The following SCHIP1 variants were observed in gnomAD, a reference collection of about 807,000 sequenced individuals.
SCHIP1 encodes the protein schwannomin interacting protein 1, also known as schwannomin-interacting protein 1.
Under a neutral mutation model 29.7 loss-of-function variants are expected in SCHIP1, and 8 were observed. That is an observed-to-expected ratio of 0.27 (90% CI 0.16 to 0.49). SCHIP1 has a LOEUF of 0.49. SCHIP1 is among the 20% of genes least tolerant of loss of function. The pLI, the probability that SCHIP1 is intolerant of heterozygous loss-of-function variation, is 0.99. For missense variants in SCHIP1, 193 were observed against 294.6 expected (o/e 0.66, Z 2.52); for synonymous variants, 76 against 94.9 (o/e 0.80, Z 1.16).
chr3:159,367,572 A>G, the SCHIP1 span, among the ~76,000 whole-genome samples: 1 of 152,232 alleles, frequency 6.6e-6, no homozygotes, highest in Non-Finnish European at 1.5e-5. Context: ...ACTGCCAAAC[A>G]AATAATAGAT....
the SCHIP1 span, among the ~76,000 whole-genome samples, chr3:159,562,381 G>A: frequency 2.0e-5 from 3 of 152,190 alleles, no homozygotes; most frequent in South Asian, 2.1e-4. Context: ...CACCTCCACT[G>A]TGGGTTAATG....
the SCHIP1 span, chr3:159,386,704 A>AT: frequency 3.9e-5 from 6 of 152,364 alleles, no homozygotes; most frequent in African/African-American, 7.2e-5. Flanking sequence ...TATATAGAGC[A>AT]TTTTTTAAAA....
chr3:159,681,455 A>G, the SCHIP1 span, among the ~76,000 whole-genome samples: 2 of 152,212 alleles, frequency 1.3e-5, no homozygotes, highest in Admixed American at 6.5e-5. Flanking sequence ...TCATTATTAC[A>G]TATTTCCCTC....
chr3:159,828,409 G>GTA, the SCHIP1 span, among the ~76,000 whole-genome samples: 76 of 31,830 alleles, frequency 2.4e-3, 3 homozygotes, highest in South Asian at 0.012. Context: ...ATATATATAC[G>GTA]TATATATACG....
At chr3:159,292,894 C>T in the SCHIP1 span, among the ~76,000 whole-genome samples, 1 of 152,082 alleles carries the variant, frequency 6.6e-6, no homozygotes, top group Non-Finnish European at 1.5e-5. Flanking sequence ...ATTCTAAAAG[C>T]ACTAGTCTTT....
the SCHIP1 span, among the ~76,000 whole-genome samples, chr3:159,402,797 G>A: frequency 0.14 from 21,048 of 152,058 alleles, 1,707 homozygotes; most frequent in African/African-American, 0.2. Flanking sequence ...GGGGGGAGCA[G>A]GGAGGGATAG....
At chr3:159,863,213 G>C (rs142832843) in intron 1 of SCHIP1, among the ~76,000 whole-genome samples, 1 of 152,148 alleles carries the variant, frequency 6.6e-6, no homozygotes. Context: ...AGTGGCGCGA[G>C]CCTGTAGTCC....
chr3:159,438,288 C>T, the SCHIP1 span, among the ~76,000 whole-genome samples: 1 of 152,094 alleles, frequency 6.6e-6, no homozygotes, highest in Non-Finnish European at 1.5e-5. Flanking sequence ...CTTAAGACTA[C>T]AGAAGCCTGG....
the SCHIP1 span, among the ~76,000 whole-genome samples, chr3:159,391,120 T>C: frequency 6.6e-6 from 1 of 152,162 alleles, no homozygotes; most frequent in Non-Finnish European, 1.5e-5. Context: ...CAGGGAATAG[T>C]TTAAGGAGTT....
At chr3:159,503,039 G>T in the SCHIP1 span, among the ~76,000 whole-genome samples, 1 of 152,226 alleles carries the variant, frequency 6.6e-6, no homozygotes. Context: ...CACTGGAAGT[G>T]TTCCCATACT....
At chr3:159,621,647 TTTG>T in the SCHIP1 span, among the ~76,000 whole-genome samples, 6 of 151,254 alleles carry the variant, frequency 4.0e-5, no homozygotes, top group South Asian at 2.1e-4. Context: ...GTGTGGTTTT[TTTG>T]TTGTTGTTGT....
chr3:159,632,206 G>A, the SCHIP1 span, among the ~76,000 whole-genome samples: 1 of 152,176 alleles, frequency 6.6e-6, no homozygotes, highest in Non-Finnish European at 1.5e-5. Flanking sequence ...TCTTGGAGGA[G>A]ATGTAGCCTG....
At chr3:159,627,043 CG>C in the SCHIP1 span, among the ~76,000 whole-genome samples, 1 of 152,126 alleles carries the variant, frequency 6.6e-6, no homozygotes, top group East Asian at 1.9e-4. Flanking sequence ...GCCCCCACCC[CG>C]ACGGGCCCCG....
the SCHIP1 span, among the ~76,000 whole-genome samples, chr3:159,828,388 C>CGTATATATGT: frequency 1.8e-3 from 120 of 65,362 alleles, no homozygotes; most frequent in South Asian, 4.4e-3. Context: ...TATATATATA[C>CGTATATATGT]ATATATACGT....
At chr3:159,564,930 T>C in the SCHIP1 span, among the ~76,000 whole-genome samples, 43 of 152,358 alleles carry the variant, frequency 2.8e-4, no homozygotes, top group African/African-American at 9.9e-4. Flanking sequence ...CTCTCACATA[T>C]GTCTTTTGGA....
chr3:159,341,592 C>A, the SCHIP1 span, among the ~76,000 whole-genome samples: 2 of 152,134 alleles, frequency 1.3e-5, no homozygotes, highest in African/African-American at 2.4e-5. Flanking sequence ...TTCTTTCTAC[C>A]CCCATCTGTG....
At chr3:159,351,247 G>C in the SCHIP1 span, among the ~76,000 whole-genome samples, 2 of 152,134 alleles carry the variant, frequency 1.3e-5, no homozygotes, top group Admixed American at 6.5e-5. Flanking sequence ...ATATTGCAGT[G>C]TCCCAGTATA....
the SCHIP1 span, among the ~76,000 whole-genome samples, chr3:159,458,930 T>G: frequency 6.6e-6 from 1 of 152,196 alleles, no homozygotes; most frequent in East Asian, 1.9e-4. Context: ...ATAAGGGGTT[T>G]TATTCTTAAT....
At chr3:159,767,208 C>T in the SCHIP1 span, among the ~76,000 whole-genome samples, 1 of 152,086 alleles carries the variant, frequency 6.6e-6, no homozygotes. Context: ...GTTTTTCAAA[C>T]AGTAAGTTTC....
Sources: allele counts gnomAD v4.1 joint callset (sites outside exome capture counted in the v4.1 genomes callset), GRCh38; gene constraint gnomAD v4.1.1; transcripts MANE v1.5; gene names NCBI Gene and HGNC (gene_info 2026-07-23, HGNC 2026-07-21).